The following IGLON5 variants were observed in gnomAD, a reference collection of about 807,000 sequenced individuals.
IGLON5 encodes the protein Ig-like domain-containing protein ENSP00000270642.
Under a neutral mutation model 38.2 loss-of-function variants are expected in IGLON5, and 16 were observed. The ratio of observed to expected loss-of-function variants is 0.42; its 90% CI spans 0.28 to 0.64. The LOEUF is 0.64. Among genes scored for constraint, IGLON5 ranks in the 30% least tolerant of loss-of-function variants. IGLON5 has a pLI of 0.23. For missense variants in IGLON5, 366 were observed against 483.4 expected, an observed-to-expected ratio of 0.76 and a Z score of 2.28; for synonymous variants, 207 against 216.4, an observed-to-expected ratio of 0.96 and a Z score of 0.38.
chr19:51,322,228 C>A, intron 2 of IGLON5, 86 bp downstream of exon 2: 3 of 1,076,110 alleles, frequency 2.8e-6, no homozygotes, highest in Non-Finnish European at 2.8e-6. Context: ...ATCCTGGTTA[C>A]AGGAACAGCC....
At chr19:51,315,581 T>C (rs978958132) in intron 1 of IGLON5, among the ~76,000 whole-genome samples, 3 of 151,402 alleles carry the variant, frequency 2.0e-5, no homozygotes, top group Non-Finnish European at 2.9e-5. Context: ...TGATGAGTAA[T>C]GTAAAGAAGA....
At position 51,328,811 on chromosome 19, in the gene IGLON5, T is replaced by C; in HGVS notation, c.*52T>C. Reference sequence around the variant, plus strand: ...CCTGCAGGGGGCCTCAGGCCAAGAGTGAGAGAAACGGGGGAGCAAGAGCCG... The same window carrying C: ...CCTGCAGGGGGCCTCAGGCCAAGAGCGAGAGAAACGGGGGAGCAAGAGCCG... On this transcript the variant is annotated 3_prime_UTR_variant, in exon 8 of 8. Coordinates refer to ENST00000270642, the MANE Select transcript of IGLON5 (RefSeq NM_001101372.3). 7.5e-7 allele frequency: 1 copy of C among 1,339,684 alleles called. No individual in the cohort carries two copies. The highest frequency in any genetic ancestry group is 1.0e-6 in the Non-Finnish European group (1 of 984,352). The allele number at this position is 1,339,684 out of a possible 1,614,324, so 83.0% of individuals were successfully genotyped here. A position where few individuals can be genotyped will look rare whatever the true frequency, so the allele number is the denominator to read the frequency against.
chr19:51,312,692 A>G (rs1263889487), intron 1 of IGLON5, among the ~76,000 whole-genome samples: 3 of 151,252 alleles, frequency 2.0e-5, no homozygotes, highest in Non-Finnish European at 4.4e-5. Context: ...AGCGATGGGC[A>G]TGGGAGGATG....
Position 51,315,688 on chromosome 19 carries a change from CTTTTTT to C in IGLON5, c.79+3782_79+3787del, listed in dbSNP as rs756194855. 1.5e-3 allele frequency among the ~76,000 whole-genome samples: 124 copies of C among 82,578 alleles called. 2 individuals carry two copies. Among genetic ancestry groups the C allele is most frequent in the African/African-American group, 5.2e-3 (116 of 22,122 alleles). 54.2% of individuals were successfully genotyped at this position (82,578 alleles called of 152,430 possible). A position where few individuals can be genotyped will look rare whatever the true frequency, so the allele number is the denominator to read the frequency against. On this transcript the variant is annotated intron_variant, in intron 1 of 7. Coordinates refer to ENST00000270642, the MANE Select transcript of IGLON5 (RefSeq NM_001101372.3). ...GACCTGAAGGAAGAGGGAAGTCAAC[CTTTTTT>C]TTTTTTTTTTTTTTTTTTTGAGACA...
intron 1 of IGLON5, among the ~76,000 whole-genome samples, chr19:51,313,699 TTTCTTC>T (rs1984840778): frequency 8.7e-6 from 1 of 114,576 alleles, no homozygotes; most frequent in African/African-American, 3.1e-5. Flanking sequence ...TTCTTTCTTC[TTTCTTC>T]TCTTTTTTTC....
At chr19:51,326,359 A>G (rs1309650627) in intron 4 of IGLON5, among the ~76,000 whole-genome samples, 1 of 152,152 alleles carries the variant, frequency 6.6e-6, no homozygotes, top group Non-Finnish European at 1.5e-5. Context: ...CCTAGACCCC[A>G]TGAATCAGAT....
intron 1 of IGLON5, among the ~76,000 whole-genome samples, chr19:51,317,366 C>T (rs1431561774): frequency 1.3e-5 from 2 of 152,176 alleles, no homozygotes; most frequent in Non-Finnish European, 2.9e-5. Flanking sequence ...ACTTGGATTA[C>T]CTCTTGTAAT....
intron 1 of IGLON5, among the ~76,000 whole-genome samples, chr19:51,317,688 T>C (rs1984954926): frequency 6.6e-6 from 1 of 152,200 alleles, no homozygotes; most frequent in Admixed American, 6.5e-5. Context: ...GGGATAGCAA[T>C]AGATGGTTCC....
chr19:51,318,977 T>A (rs993616369), intron 1 of IGLON5, among the ~76,000 whole-genome samples: 1 of 152,198 alleles, frequency 6.6e-6, no homozygotes, highest in Non-Finnish European at 1.5e-5. Context: ...TCTGACAATG[T>A]CTGGAGGCAT....
At chr19:51,313,914 A>T (rs1443762779) in intron 1 of IGLON5, among the ~76,000 whole-genome samples, 3 of 151,304 alleles carry the variant, frequency 2.0e-5, no homozygotes, top group Non-Finnish European at 4.4e-5. Context: ...CTTTGTAGAG[A>T]TGGGGGTCTC....
intron 2 of IGLON5, among the ~76,000 whole-genome samples, chr19:51,323,244 G>GTC (rs71333938): frequency 5.1e-5 from 5 of 97,968 alleles, no homozygotes; most frequent in Admixed American, 8.4e-5. Flanking sequence ...GGGTCTCTGT[G>GTC]TCTCTCTCTC....
rs1354212817 is a variant in IGLON5, at chr19:51,323,862, C to T, written c.359C>T (p.Pro120Leu). The change falls in exon 3 of 8, where the codon CCG becomes CTG. Residue 120 changes from proline to leucine, a missense_variant. Pro to Leu is a moderately conservative substitution (Grantham distance 98). Coordinates refer to ENST00000270642, the MANE Select transcript of IGLON5 (RefSeq NM_001101372.3). ...YTCSFQTRHQ[P>L]YTTQVYLIVH... The stretch of plus-strand genomic sequence containing the variant: ...TGCTCCTTCCAGACCCGCCACCAGC[C>T]GTACACCACTCAGGTCTACCTCATT... The T allele has an allele frequency of 4.3e-6, 7 of 1,613,218 alleles. No homozygotes were observed. The highest frequency in any genetic ancestry group is 2.2e-5 in the South Asian group (2 of 91,046).
chr19:51,328,987 C>A lies in IGLON5; in HGVS notation c.*228C>A. 1 of 466,090 alleles carries A rather than the reference C, an allele frequency of 2.1e-6. No individual in the cohort carries two copies. Among genetic ancestry groups the A allele is most frequent in the Non-Finnish European group, 3.8e-6 (1 of 261,540 alleles). 28.9% of individuals were successfully genotyped at this position (466,090 alleles called of 1,614,324 possible). A position where few individuals can be genotyped will look rare whatever the true frequency, so the allele number is the denominator to read the frequency against. On this transcript the variant is annotated 3_prime_UTR_variant, in exon 8 of 8. Transcript: ENST00000270642. ...TCTTTCTACAGCCATTCTCGCCACC[C>A]GTTCACGTTTCCGATTGTGACCCAC...
At chr19:51,318,020 C>G (rs1984964162) in intron 1 of IGLON5, among the ~76,000 whole-genome samples, 1 of 152,124 alleles carries the variant, frequency 6.6e-6, no homozygotes, top group African/African-American at 2.4e-5. Flanking sequence ...TTGGCTCGAC[C>G]CTGGGGGGAC....
chr19:51,321,068 C>T (rs1985044626), intron 1 of IGLON5, among the ~76,000 whole-genome samples: 1 of 152,018 alleles, frequency 6.6e-6, no homozygotes. Context: ...CATAAGTGTT[C>T]TGTGTATGCA....
chr19:51,312,071 G>A, intron 1 of IGLON5, 145 bp downstream of exon 1: 1 of 396,030 alleles, frequency 2.5e-6, no homozygotes, highest in Non-Finnish European at 4.2e-6. Context: ...GCCCGGGGGT[G>A]GGGTCTGCAT....
rs1985074714 is a variant in IGLON5, at chr19:51,322,095, T to G, written c.111T>G (p.Ser37=). 3 of 1,613,216 alleles carry G rather than the reference T, an allele frequency of 1.9e-6. No individual in the cohort carries two copies. The African/African-American group carries it at 4.0e-5, about 22-fold the overall frequency. ...TCTCCCAGAGCCTGGAGTTCAACTC[T>G]CCTGCCGACAACTACACAGTGTGTG... ...GLLSQSLEFN[S]PADNYTVCEG... Residue 37 remains serine (S), a synonymous_variant, in exon 2 of 8, where the codon TCT becomes TCG. Coordinates refer to ENST00000270642, the MANE Select transcript of IGLON5 (RefSeq NM_001101372.3).
rs527872132 is a variant in IGLON5, at chr19:51,323,780, G to A, written c.277G>A (p.Glu93Lys). The change falls in exon 3 of 8, where the codon GAG (glutamate) becomes AAG (lysine). Residue 93 changes from glutamate (E) to lysine (K), a missense_variant. Transcript: ENST00000270642. ...PRVRLLINTP[E>K]EFSILITEVG... Reference sequence around the variant, plus strand: ...GGTGCGGCTGCTCATCAACACCCCCGAGGAGTTCTCCATCCTCATCACCGA... The same window carrying A: ...GGTGCGGCTGCTCATCAACACCCCCAAGGAGTTCTCCATCCTCATCACCGA... 9.3e-6 allele frequency: 15 copies of A among 1,613,898 alleles called. No individual in the cohort carries two copies. Among genetic ancestry groups the A allele is most frequent in the Admixed American group, 3.3e-5 (2 of 60,018 alleles).
intron 1 of IGLON5, among the ~76,000 whole-genome samples, chr19:51,315,980 C>T (rs1232236193): frequency 6.6e-6 from 1 of 151,760 alleles, no homozygotes; most frequent in East Asian, 1.9e-4. Context: ...AGGCGTGAGC[C>T]ACCACGCCCC....
Sources: gnomAD v4.1 joint callset for allele counts (sites outside exome capture counted in the v4.1 genomes callset) on GRCh38, gnomAD v4.1.1 for gene constraint, MANE v1.5 for transcripts, NCBI Gene and HGNC (gene_info 2026-07-23, HGNC 2026-07-21) for gene names.